The following FHIT variants were observed in gnomAD, a reference collection of about 807,000 sequenced individuals.
The protein encoded by FHIT is fragile histidine triad diadenosine triphosphatase.
In FHIT, 19 loss-of-function variants were observed where a neutral mutation model predicts 17.9. The ratio of observed to expected loss-of-function variants is 1.06; its 90% CI spans 0.74 to 1.56. The LOEUF (loss-of-function observed/expected upper bound fraction) is 1.56, where lower values mean the gene tolerates loss of function less well. Ranked by LOEUF, FHIT falls within the 40% of genes most tolerant of loss-of-function variation. The pLI is 0.00. For synonymous variants in FHIT, 81 were observed against 69.7 expected (o/e 1.16, Z -0.81); for missense variants, 248 against 189.2 (o/e 1.31, Z -1.82).
At chr3:61,193,016 A>G (rs1346038453) in intron 2 of FHIT, among the ~76,000 whole-genome samples, 1 of 152,200 alleles carries the variant, frequency 6.6e-6, no homozygotes, top group East Asian at 1.9e-4. Context: ...TGTCTCCCAG[A>G]CATATTCAAA....
intron 8 of FHIT, among the ~76,000 whole-genome samples, chr3:59,912,337 G>T (rs975280065): frequency 1.3e-5 from 2 of 152,174 alleles, no homozygotes; most frequent in African/African-American, 2.4e-5. Context: ...CATGTGGATG[G>T]AAAATAATTT....
At chr3:61,221,117 C>A (rs1166148767) in intron 1 of FHIT, among the ~76,000 whole-genome samples, 1 of 149,868 alleles carries the variant, frequency 6.7e-6, no homozygotes, top group African/African-American at 2.5e-5. Context: ...GGCTCCCTGA[C>A]CCTGGCTGGG....
chr3:60,471,524 G>C (rs897064904), intron 5 of FHIT, among the ~76,000 whole-genome samples: 1 of 152,102 alleles, frequency 6.6e-6, no homozygotes, highest in Non-Finnish European at 1.5e-5. Flanking sequence ...CACAATCACT[G>C]CACTCTCCTT....
chr3:60,209,540 C>T (rs1299154267), intron 5 of FHIT, among the ~76,000 whole-genome samples: 1 of 152,168 alleles, frequency 6.6e-6, no homozygotes, highest in Admixed American at 6.6e-5. Flanking sequence ...GAGCCAAGAA[C>T]TCTGTTGAGC....
intron 2 of FHIT, among the ~76,000 whole-genome samples, chr3:61,182,742 G>A (rs920051451): frequency 6.6e-6 from 1 of 152,096 alleles, no homozygotes; most frequent in African/African-American, 2.4e-5. Context: ...ATGTATTCAG[G>A]ATAGGGGGTA....
chr3:60,859,192 T>A (rs577982900), intron 3 of FHIT, among the ~76,000 whole-genome samples: 72 of 152,298 alleles, frequency 4.7e-4, no homozygotes, highest in African/African-American at 1.7e-3. Context: ...GTTAAGCACA[T>A]GTTTTTTGGA....
At chr3:59,999,091 C>T (rs1699627762) in intron 7 of FHIT, among the ~76,000 whole-genome samples, 1 of 152,000 alleles carries the variant, frequency 6.6e-6, no homozygotes, top group African/African-American at 2.4e-5. Flanking sequence ...AATAATAATC[C>T]ATTGATGTCC....
At chr3:61,205,104 G>C (rs1419332976) in intron 1 of FHIT, among the ~76,000 whole-genome samples, 5 of 151,908 alleles carry the variant, frequency 3.3e-5, no homozygotes, top group Non-Finnish European at 5.9e-5. Context: ...AGTTTGCAGA[G>C]AATGATGGTT....
intron 5 of FHIT, among the ~76,000 whole-genome samples, chr3:60,486,534 G>T (rs2033848260): frequency 1.3e-5 from 2 of 152,138 alleles, no homozygotes; most frequent in Admixed American, 1.3e-4. Context: ...GACAGGTTAG[G>T]CAAAGAAAGC....
intron 1 of FHIT, among the ~76,000 whole-genome samples, chr3:61,218,379 G>C (rs2039744174): frequency 6.6e-6 from 1 of 152,194 alleles, no homozygotes; most frequent in Non-Finnish European, 1.5e-5. Flanking sequence ...AGCAGGAACT[G>C]TTTTGTGGAC....
At chr3:60,957,550 G>A (rs2107483820) in intron 3 of FHIT, among the ~76,000 whole-genome samples, 1 of 152,182 alleles carries the variant, frequency 6.6e-6, no homozygotes, top group South Asian at 2.1e-4. Context: ...CTTCTTTTCT[G>A]TCCACAGCCA....
At chr3:59,907,012 G>A (rs911899910) in intron 8 of FHIT, among the ~76,000 whole-genome samples, 2 of 152,206 alleles carry the variant, frequency 1.3e-5, no homozygotes, top group South Asian at 2.1e-4. Context: ...ACTATTTAGT[G>A]TCATAGAATC....
chr3:60,231,095 T>C (rs1341689243), intron 5 of FHIT, among the ~76,000 whole-genome samples: 1 of 152,206 alleles, frequency 6.6e-6, no homozygotes, highest in Non-Finnish European at 1.5e-5. Context: ...TTTGGTCAAA[T>C]ACGCCAATAA....
chr3:60,133,328 T>C (rs920689327), intron 5 of FHIT, among the ~76,000 whole-genome samples: 5 of 152,114 alleles, frequency 3.3e-5, no homozygotes, highest in African/African-American at 1.2e-4. Flanking sequence ...TACTGGAAAC[T>C]GAGTAATAAA....
At chr3:59,877,632 T>C (rs573178307) in intron 8 of FHIT, among the ~76,000 whole-genome samples, 1 of 152,314 alleles carries the variant, frequency 6.6e-6, no homozygotes, top group East Asian at 1.9e-4. Flanking sequence ...GCTTGGGCTA[T>C]GATCATCAGA....
chr3:61,219,511 G>T (rs2039779774), intron 1 of FHIT, among the ~76,000 whole-genome samples: 1 of 151,938 alleles, frequency 6.6e-6, no homozygotes, highest in Non-Finnish European at 1.5e-5. Context: ...AAAATCCAAG[G>T]ATCTAAACTA....
intron 4 of FHIT, among the ~76,000 whole-genome samples, chr3:60,607,477 C>T (rs2038644085): frequency 6.6e-6 from 1 of 151,634 alleles, no homozygotes; most frequent in Admixed American, 6.6e-5. Context: ...ATTATCTTCC[C>T]TACTGAAGTT....
At chr3:60,897,840 C>T (rs116120958) in intron 3 of FHIT, among the ~76,000 whole-genome samples, 1 of 152,132 alleles carries the variant, frequency 6.6e-6, no homozygotes, top group Non-Finnish European at 1.5e-5. Context: ...GAATCTTTCT[C>T]TAGAGCAAAT....
At chr3:60,634,165 C>T (rs1201902977) in intron 4 of FHIT, among the ~76,000 whole-genome samples, 1 of 152,140 alleles carries the variant, frequency 6.6e-6, no homozygotes, top group Non-Finnish European at 1.5e-5. Flanking sequence ...TGAAAGCCAA[C>T]TTCAGTGAGT....
Sources: gnomAD v4.1 joint callset for allele counts (sites outside exome capture counted in the v4.1 genomes callset) on GRCh38, gnomAD v4.1.1 for gene constraint, MANE v1.5 for transcripts, NCBI Gene and HGNC (gene_info 2026-07-23, HGNC 2026-07-21) for gene names.